Variants in HENMT1 observed in about 807,000 individuals in gnomAD.
The protein encoded by HENMT1 is HEN methyltransferase 1.
HENMT1 carries 27 observed loss-of-function variants against 31.1 expected under a neutral mutation model. The ratio of observed to expected loss-of-function variants is 0.87; its 90% CI spans 0.64 to 1.20. The LOEUF (loss-of-function observed/expected upper bound fraction) is 1.20. Ranked by LOEUF, HENMT1 falls within the 50% of genes most tolerant of loss-of-function variation. The probability of loss-of-function intolerance (pLI) is 0.00; values close to 1 mark genes in which losing one functional copy is unlikely to be tolerated. For missense variants in HENMT1, 438 were observed against 469.6 expected (o/e 0.93, Z 0.62); for synonymous variants, 167 against 172.2 (o/e 0.97, Z 0.24).
chr1:108,650,606 C>T (rs145545694), intron 6 of HENMT1, among the ~76,000 whole-genome samples: 16 of 152,206 alleles, frequency 1.1e-4, no homozygotes, highest in East Asian at 9.6e-4. Context: ...ATATGGAAGA[C>T]GAAAGGAAAA....
intron 2 of HENMT1, among the ~76,000 whole-genome samples, chr1:108,658,133 AT>A (rs796291842): frequency 0.043 from 5,765 of 134,226 alleles, 159 homozygotes; most frequent in Non-Finnish European, 0.062. Flanking sequence ...ATATATATAT[AT>A]TTTTTTTTTC....
intron 7 of HENMT1, chr1:108,649,445 A>C (rs1196173344): frequency 4.5e-6 from 2 of 442,112 alleles, no homozygotes; most frequent in Non-Finnish European, 9.0e-6. Context: ...TACGGAAAAA[A>C]AAACAAAAAA....
intron 6 of HENMT1, 101 bp from the exon 7 acceptor site, chr1:108,650,489 C>T (rs1343668924): frequency 3.3e-5 from 34 of 1,021,370 alleles, no homozygotes; most frequent in Non-Finnish European, 4.6e-5. Flanking sequence ...ATGAAAAATA[C>T]AATGAACATA....
rs2270714 is a variant in HENMT1, at chr1:108,660,174, G to T, written c.-78-212C>A. Among the ~76,000 whole-genome samples the T allele has an allele frequency of 1.2e-3, 174 of 143,402 alleles. 5 individuals are homozygous for T. Among genetic ancestry groups the T allele is most frequent in the East Asian group, 0.01 (51 of 4,918 alleles). 94.1% of individuals were successfully genotyped at this position (143,402 alleles called of 152,430 possible). Reference sequence around the variant, plus strand: ...GGACTCGAACAGATATTTATACACCGAAGTTCATAGCATTATTCACAATAG... The same window carrying T: ...GGACTCGAACAGATATTTATACACCTAAGTTCATAGCATTATTCACAATAG... On this transcript the variant is annotated intron_variant, in intron 1 of 7. Transcript: ENST00000651461.
At chr1:108,658,368 C>G (rs1045144251) in intron 2 of HENMT1, among the ~76,000 whole-genome samples, 1 of 152,078 alleles carries the variant, frequency 6.6e-6, no homozygotes, top group Non-Finnish European at 1.5e-5. Context: ...CTCCTGACCT[C>G]GTGATCCACC....
intron 2 of HENMT1, 135 bp downstream of exon 2, chr1:108,659,729 C>T (rs892505007): frequency 4.9e-5 from 30 of 606,076 alleles, no homozygotes; most frequent in Non-Finnish European, 7.1e-5. Flanking sequence ...TCTATGTATA[C>T]CCTTGTTTAC....
chr1:108,652,325 A>G (rs1658081242), intron 5 of HENMT1, among the ~76,000 whole-genome samples: 1 of 152,238 alleles, frequency 6.6e-6, no homozygotes, highest in African/African-American at 2.4e-5. Flanking sequence ...ATACCAAGGT[A>G]TCTAGGGTAA....
At chr1:108,651,756 G>A (rs1324659105) in intron 5 of HENMT1, among the ~76,000 whole-genome samples, 1 of 151,666 alleles carries the variant, frequency 6.6e-6, no homozygotes, top group African/African-American at 2.4e-5. Flanking sequence ...GGGGAAGGGA[G>A]GGGAGGGGAG....
chr1:108,648,704 CGCAA>C lies in HENMT1; in HGVS notation c.1040_1043del (p.Leu347ArgfsTer5). Reference sequence around the variant, plus strand: ...CACATAAGCGGTTCAACTTGGGATACGCAAGGAGTCTCTGCAGAGGTACGAAAAA... The same window carrying C: ...CACATAAGCGGTTCAACTTGGGATACGGAGTCTCTGCAGAGGTACGAAAAA... On this transcript the variant is annotated frameshift_variant, in exon 8 of 8. Coordinates refer to ENST00000651461, the MANE Select transcript of HENMT1 (RefSeq NM_001102592.2). LOFTEE classifies it low-confidence loss of function (END_TRUNC). 1 of 1,614,176 alleles carries C rather than the reference CGCAA, an allele frequency of 6.2e-7. No homozygotes were observed. The highest frequency in any genetic ancestry group is 8.5e-7 in the Non-Finnish European group (1 of 1,180,034).
chr1:108,660,066 T>C (rs1404212574), intron 1 of HENMT1, 104 bp from the exon 2 acceptor site: 1 of 427,738 alleles, frequency 2.3e-6, no homozygotes, highest in African/African-American at 2.2e-5. Context: ...CTTACTACAG[T>C]ATATAATTTA....
Position 108,652,649 on chromosome 1 carries a change from G to A in HENMT1, c.399-1440C>T, listed in dbSNP as rs564263705. On this transcript the variant is annotated intron_variant, in intron 5 of 7. Transcript: ENST00000651461. ...GGCTGAGCTTCTATGCAATTCACAA[G>A]AAAATTGTAAACCAGCCAGGCACAG... Among the ~76,000 whole-genome samples the A allele has an allele frequency of 3.2e-4, 49 of 152,262 alleles. No homozygotes were observed. The South Asian group carries it at 9.5e-3, about 30-fold the overall frequency.
At chr1:108,658,046 TACACACACACACACATATATATGTACAC>T (rs1658308896) in intron 2 of HENMT1, among the ~76,000 whole-genome samples, 5 of 140,370 alleles carry the variant, frequency 3.6e-5, no homozygotes, top group East Asian at 2.1e-4. Context: ...CACATATATA[TACACACACACACACATATATATGTACAC>T]ACACACACAC....
chr1:108,652,883 G>A (rs947985818), intron 5 of HENMT1, among the ~76,000 whole-genome samples: 3 of 151,840 alleles, frequency 2.0e-5, no homozygotes, highest in Non-Finnish European at 2.9e-5. Flanking sequence ...GGCAGAGGTT[G>A]CAGTGAGCCG....
chr1:108,648,454 T>C lies in HENMT1; in HGVS notation c.*112A>G. On this transcript the variant is annotated 3_prime_UTR_variant, in exon 8 of 8. Coordinates refer to ENST00000651461, the MANE Select transcript of HENMT1 (RefSeq NM_001102592.2). Reference sequence around the variant, plus strand: ...GTCCAATGGCTTGGAACATAGACTTTTGCAGTGAAACTTTAAAAACATTAC... The same window carrying C: ...GTCCAATGGCTTGGAACATAGACTTCTGCAGTGAAACTTTAAAAACATTAC... 1.1e-6 allele frequency: 1 copy of C among 903,892 alleles called. No homozygotes were observed. The highest frequency in any genetic ancestry group is 1.7e-6 in the Non-Finnish European group (1 of 605,344). 56.0% of individuals were successfully genotyped at this position (903,892 alleles called of 1,614,324 possible).
In HENMT1 at chr1:108,654,810, G is replaced by C. The variant is rs368196522; in HGVS notation, c.304C>G (p.Arg102Gly). The C allele has an allele frequency of 1.2e-6, 2 of 1,613,914 alleles. No homozygotes were observed. The highest frequency in any genetic ancestry group is 2.7e-5 in the African/African-American group (2 of 74,902). The stretch of plus-strand genomic sequence containing the variant: ...AATGTGATGGTCAAATTCAGATCCC[G>C]AGGTTTCAGAAAATCCCCCAGGAAA... ...APFLGDFLKP[R>G]DLNLTITLYH... Residue 102 changes from arginine (R) to glycine (G), a missense_variant, in exon 5 of 8, where the codon CGG becomes GGG. Arg to Gly is a moderately radical substitution (Grantham distance 125). Transcript: ENST00000651461.
intron 2 of HENMT1, among the ~76,000 whole-genome samples, chr1:108,659,161 T>C (rs908818975): frequency 1.3e-5 from 2 of 152,238 alleles, no homozygotes; most frequent in African/African-American, 2.4e-5. Context: ...CTTGTCTGTA[T>C]TGGATTTAAA....
intron 5 of HENMT1, 62 bp from the exon 6 acceptor site, chr1:108,651,271 T>C (rs1042029255): frequency 1.1e-5 from 16 of 1,392,168 alleles, no homozygotes; most frequent in Admixed American, 4.1e-5. Context: ...ATTTTTCTAA[T>C]TGATTTATCA....
At chr1:108,653,274 C>T (rs1421964610) in intron 5 of HENMT1, among the ~76,000 whole-genome samples, 1 of 152,120 alleles carries the variant, frequency 6.6e-6, no homozygotes, top group East Asian at 1.9e-4. Flanking sequence ...CCTCGGCCTC[C>T]CAAAGTGCTG....
At position 108,648,464 on chromosome 1, in the gene HENMT1, A is replaced by C. The variant is rs1358650111; in HGVS notation, c.*102T>G. 9.8e-7 allele frequency: 1 copy of C among 1,017,212 alleles called. No homozygotes were observed. The highest frequency in any genetic ancestry group is 1.6e-5 in the African/African-American group (1 of 61,476). 63.0% of individuals were successfully genotyped at this position (1,017,212 alleles called of 1,614,324 possible). A position where few individuals can be genotyped will look rare whatever the true frequency, so the allele number is the denominator to read the frequency against. On this transcript the variant is annotated 3_prime_UTR_variant, in exon 8 of 8. Coordinates refer to ENST00000651461, the MANE Select transcript of HENMT1 (RefSeq NM_001102592.2). ...TTGGAACATAGACTTTTGCAGTGAA[A>C]CTTTAAAAACATTACTTGAATTAGG... is the stretch of plus-strand genomic sequence containing the variant.
Sources: allele counts gnomAD v4.1 joint callset (sites outside exome capture counted in the v4.1 genomes callset), GRCh38; gene constraint gnomAD v4.1.1; transcripts MANE v1.5; gene names NCBI Gene and HGNC (gene_info 2026-07-23, HGNC 2026-07-21).